Variants in KLRG1 observed in about 807,000 individuals in gnomAD.
KLRG1 encodes killer cell lectin-like receptor subfamily G member 1.
In KLRG1, 16 loss-of-function variants were observed where a neutral mutation model predicts 21.8. That is an observed-to-expected ratio of 0.73 (90% CI 0.50 to 1.11). KLRG1 has a LOEUF of 1.11. KLRG1 is among the 50% of genes most tolerant of loss of function. The pLI is 0.00. For synonymous variants in KLRG1, 69 were observed against 75.9 expected (o/e 0.91, Z 0.47); for missense variants, 173 against 218.3 (o/e 0.79, Z 1.31).
chr12:9,037,132 A>C, the KLRG1 span: 1 of 159,488 alleles, frequency 6.3e-6, no homozygotes, highest in Non-Finnish European at 1.4e-5. Flanking sequence ...CTTCATTTAC[A>C]CTCAGACTCT....
At chr12:9,150,753 G>C in the KLRG1 span, 120,708 of 1,578,470 alleles carry the variant, frequency 0.076, 5,486 homozygotes, top group African/African-American at 0.18. Context: ...TCACCTGAAA[G>C]GAAAAGTGGG....
chr12:9,156,020 T>C, the KLRG1 span: 1 of 177,162 alleles, frequency 5.6e-6, no homozygotes, highest in East Asian at 1.6e-4. Flanking sequence ...TCTTGACCTT[T>C]TGGCTAAGAT....
the KLRG1 span, chr12:9,153,377 G>C: frequency 3.2e-6 from 5 of 1,565,080 alleles, no homozygotes; most frequent in East Asian, 1.1e-4. Flanking sequence ...GCCCCAAAGA[G>C]TAAATTTTTG....
the KLRG1 span, chr12:9,180,869 C>T: frequency 1.2e-5 from 14 of 1,190,022 alleles, no homozygotes; most frequent in Middle Eastern, 3.0e-4. Flanking sequence ...AGGCAACCTA[C>T]AAAATGGGAG....
upstream of KLRG1, chr12:8,989,495 C>T: frequency 1.7e-6 from 1 of 604,116 alleles, no homozygotes; most frequent in Middle Eastern, 4.1e-4. Flanking sequence ...AAATTTGAAT[C>T]ATTTCCTGAA....
the KLRG1 span, chr12:9,115,432 G>T: frequency 5.3e-6 from 1 of 187,894 alleles, no homozygotes; most frequent in Non-Finnish European, 1.1e-5. Context: ...AATAGAAAAT[G>T]GACCCTTGAG....
chr12:9,112,345 T>G, the KLRG1 span: 3 of 1,606,758 alleles, frequency 1.9e-6, no homozygotes, highest in Non-Finnish European at 2.6e-6. Flanking sequence ...CTTTCCTTTT[T>G]GAAGTTGTCC....
In KLRG1 at chr12:9,009,413, T is replaced by C. The variant is rs189572639; in HGVS notation, c.459-13T>C. Reference sequence around the variant, plus strand: ...TGCGGCCTTAAGTGATTGACTTTTCTGATTTCTTACAGGATTTCTTCTAAT... The same window carrying C: ...TGCGGCCTTAAGTGATTGACTTTTCCGATTTCTTACAGGATTTCTTCTAAT... On this transcript the variant is annotated splice_polypyrimidine_tract_variant and intron_variant, in intron 4 of 4. Coordinates refer to ENST00000356986, the MANE Select transcript of KLRG1 (RefSeq NM_005810.4). 470 of 1,613,694 alleles carry C rather than the reference T, an allele frequency of 2.9e-4. No individual in the cohort carries two copies. Among genetic ancestry groups the C allele is most frequent in the Non-Finnish European group, 3.9e-4 (456 of 1,179,814 alleles).
the KLRG1 span, among the ~76,000 whole-genome samples, chr12:9,078,244 G>A: frequency 1.3e-5 from 2 of 151,008 alleles, no homozygotes; most frequent in Non-Finnish European, 2.9e-5. Flanking sequence ...CCCTGTGTCC[G>A]TGTGTTCTCA....
chr12:8,951,367 C>A (rs1223068827), intron 1 of KLRG1, among the ~76,000 whole-genome samples: 2 of 151,936 alleles, frequency 1.3e-5, no homozygotes, highest in African/African-American at 4.8e-5. Context: ...TGCTTGGGAG[C>A]CTGAGGCTGG....
At chr12:8,974,174 G>T (rs982871786) in intron 1 of KLRG1, among the ~76,000 whole-genome samples, 9 of 145,454 alleles carry the variant, frequency 6.2e-5, no homozygotes, top group South Asian at 2.2e-4. Flanking sequence ...TGTTTGTTTT[G>T]TTTTTTTTTT....
At chr12:9,205,556 GC>G in the KLRG1 span, among the ~76,000 whole-genome samples, 3 of 152,084 alleles carry the variant, frequency 2.0e-5, no homozygotes, top group African/African-American at 7.2e-5. Context: ...TAAAATCCCT[GC>G]CCCCATGCCA....
chr12:9,016,877 GT>G, the KLRG1 span, among the ~76,000 whole-genome samples: 5 of 152,032 alleles, frequency 3.3e-5, no homozygotes, highest in Non-Finnish European at 5.9e-5. Context: ...GCCTCCCAAA[GT>G]GCTGGTATTA....
At chr12:9,165,420 C>T in the KLRG1 span, 5 of 1,595,620 alleles carry the variant, frequency 3.1e-6, no homozygotes, top group Non-Finnish European at 4.3e-6. Flanking sequence ...GCCACCTTTT[C>T]TCAAGTGAGA....
chr12:9,042,344 A>G, the KLRG1 span, among the ~76,000 whole-genome samples: 1 of 152,240 alleles, frequency 6.6e-6, no homozygotes, highest in Non-Finnish European at 1.5e-5. Context: ...AAAGTAATAA[A>G]TTACAACAGA....
At chr12:9,110,783 A>G in the KLRG1 span, among the ~76,000 whole-genome samples, 2 of 152,162 alleles carry the variant, frequency 1.3e-5, no homozygotes, top group South Asian at 4.1e-4. Flanking sequence ...AAATACAGAA[A>G]TATTCCAGAT....
At chr12:9,004,358 AG>A (rs1455243132) in intron 3 of KLRG1, among the ~76,000 whole-genome samples, 1 of 152,218 alleles carries the variant, frequency 6.6e-6, no homozygotes, top group Non-Finnish European at 1.5e-5. Flanking sequence ...CATCCTCTCC[AG>A]CACCTGTTGT....
At chr12:9,040,485 C>T in the KLRG1 span, among the ~76,000 whole-genome samples, 45 of 152,334 alleles carry the variant, frequency 3.0e-4, no homozygotes, top group African/African-American at 1.1e-3. Context: ...TATTTATTGT[C>T]CTGTCATGAA....
At chr12:9,118,747 T>G in the KLRG1 span, among the ~76,000 whole-genome samples, 1 of 152,234 alleles carries the variant, frequency 6.6e-6, no homozygotes, top group Non-Finnish European at 1.5e-5. Context: ...TGGGAACTGC[T>G]TATTGAACAT....
Sources: gnomAD v4.1 joint callset for allele counts (sites outside exome capture counted in the v4.1 genomes callset) on GRCh38, gnomAD v4.1.1 for gene constraint, MANE v1.5 for transcripts, NCBI Gene and HGNC (gene_info 2026-07-23, HGNC 2026-07-21) for gene names.